The following SGCD variants were observed in gnomAD, a reference collection of about 807,000 sequenced individuals.
SGCD encodes delta-sarcoglycan.
A neutral mutation model predicts 36.6 loss-of-function variants in SGCD; 18 were observed. The observed-to-expected ratio is 0.49, with a 90% confidence interval of 0.34 to 0.73. The LOEUF is 0.73. Ranked by LOEUF, SGCD falls within the 30% of genes least tolerant of loss-of-function variation. SGCD has a pLI of 0.01. For missense variants in SGCD, 387 were observed against 346.7 expected (o/e 1.12, Z -0.92); for synonymous variants, 133 against 130.6 (o/e 1.02, Z -0.12).
intron 3 of SGCD, among the ~76,000 whole-genome samples, chr5:156,359,406 A>T (rs1467343215): frequency 6.6e-6 from 1 of 152,242 alleles, no homozygotes; most frequent in Non-Finnish European, 1.5e-5. Context: ...AGCACTTAAC[A>T]TAGAACATAT....
intron 7 of SGCD, among the ~76,000 whole-genome samples, chr5:156,684,293 CAAGA>C (rs1044332381): frequency 4.0e-5 from 6 of 151,844 alleles, no homozygotes; most frequent in African/African-American, 1.2e-4. Flanking sequence ...GATGCTATGA[CAAGA>C]AAGAAAGTGT....
intron 3 of SGCD, among the ~76,000 whole-genome samples, chr5:156,218,955 A>AT (rs933765271): frequency 3.9e-5 from 6 of 152,186 alleles, no homozygotes; most frequent in African/African-American, 1.4e-4. Context: ...CTATCCAGTC[A>AT]TTTTTTTACT....
chr5:156,524,460 G>C (rs2113062694), intron 4 of SGCD, among the ~76,000 whole-genome samples: 1 of 150,504 alleles, frequency 6.6e-6, no homozygotes, highest in Admixed American at 6.6e-5. Context: ...AGGTATAATT[G>C]ACAGGTAAAA....
intron 7 of SGCD, among the ~76,000 whole-genome samples, chr5:156,650,055 A>G (rs1271831116): frequency 6.6e-6 from 1 of 151,928 alleles, no homozygotes; most frequent in Non-Finnish European, 1.5e-5. Flanking sequence ...CAAAAAGACA[A>G]CTCTCCAAGC....
intron 1 of SGCD, among the ~76,000 whole-genome samples, chr5:156,033,324 G>T (rs1365354122): frequency 6.6e-6 from 1 of 152,082 alleles, no homozygotes; most frequent in African/African-American, 2.4e-5. Flanking sequence ...TGCTTCTAGT[G>T]TACCCGTCAC....
At chr5:156,704,817 T>A (rs282476) in intron 7 of SGCD, among the ~76,000 whole-genome samples, 3,929 of 152,036 alleles carry the variant, frequency 0.026, 160 homozygotes, top group East Asian at 0.16. Flanking sequence ...ATTTTTTAAA[T>A]TCAGCTAATA....
chr5:156,627,233 T>C (rs1175450317), intron 6 of SGCD, among the ~76,000 whole-genome samples: 1 of 152,008 alleles, frequency 6.6e-6, no homozygotes, highest in African/African-American at 2.4e-5. Context: ...GTGGAAGGGG[T>C]TTTTGCATTG....
chr5:156,521,526 A>C (rs1266708890), intron 4 of SGCD, among the ~76,000 whole-genome samples: 1 of 152,172 alleles, frequency 6.6e-6, no homozygotes, highest in African/African-American at 2.4e-5. Context: ...ACACATTATA[A>C]AGTGGGCAAA....
At chr5:156,379,480 G>A (rs545992895) in intron 3 of SGCD, among the ~76,000 whole-genome samples, 2 of 152,318 alleles carry the variant, frequency 1.3e-5, no homozygotes, top group East Asian at 3.9e-4. Context: ...CTGTGTGGCT[G>A]AAGCACTATG....
the SGCD span, among the ~76,000 whole-genome samples, chr5:155,735,802 C>T: frequency 6.6e-6 from 1 of 152,138 alleles, no homozygotes; most frequent in Non-Finnish European, 1.5e-5. Flanking sequence ...CAGGTCCTAG[C>T]CCATAAGGTT....
chr5:155,790,830 G>A, the SGCD span, among the ~76,000 whole-genome samples: 4 of 152,114 alleles, frequency 2.6e-5, no homozygotes. Context: ...AGTACTCTAA[G>A]TAGTATTGTA....
At chr5:156,496,987 C>G (rs941730302) in intron 3 of SGCD, among the ~76,000 whole-genome samples, 1 of 152,120 alleles carries the variant, frequency 6.6e-6, no homozygotes, top group South Asian at 2.1e-4. Context: ...CTGATTTAAT[C>G]CTCAATTTAG....
At chr5:155,826,098 C>T in the SGCD span, among the ~76,000 whole-genome samples, 1 of 152,178 alleles carries the variant, frequency 6.6e-6, no homozygotes, top group East Asian at 1.9e-4. Context: ...AAAGGTGAAT[C>T]CTATTGCTGG....
intron 3 of SGCD, among the ~76,000 whole-genome samples, chr5:156,246,526 C>T (rs1765444231): frequency 6.6e-6 from 1 of 152,014 alleles, no homozygotes; most frequent in African/African-American, 2.4e-5. Flanking sequence ...GTTGTTCTTT[C>T]ACATATGCTG....
chr5:156,645,250 T>A (rs1189151077), intron 6 of SGCD, among the ~76,000 whole-genome samples: 2 of 152,186 alleles, frequency 1.3e-5, no homozygotes, highest in Non-Finnish European at 2.9e-5. Context: ...GGTATGGTTT[T>A]AATAGAAACC....
At chr5:156,524,720 T>A (rs1053719234) in intron 4 of SGCD, among the ~76,000 whole-genome samples, 3 of 152,046 alleles carry the variant, frequency 2.0e-5, no homozygotes, top group East Asian at 3.8e-4. Context: ...AAGTGTGTAC[T>A]CTTTGATGAA....
upstream of SGCD, among the ~76,000 whole-genome samples, chr5:156,326,053 C>CA (rs967215706): frequency 6.6e-6 from 1 of 152,158 alleles, no homozygotes; most frequent in Non-Finnish European, 1.5e-5. Context: ...ATGTTAATAC[C>CA]AAAAACAGAA....
At chr5:155,958,700 T>C (rs1432219061) in intron 1 of SGCD, among the ~76,000 whole-genome samples, 3 of 152,184 alleles carry the variant, frequency 2.0e-5, no homozygotes, top group African/African-American at 7.2e-5. Context: ...TAACTAGAAA[T>C]ATTGTGACAT....
intron 3 of SGCD, 99 bp downstream of exon 3, chr5:156,344,776 G>C: frequency 3.4e-6 from 3 of 878,164 alleles, no homozygotes; most frequent in Non-Finnish European, 5.2e-6. Flanking sequence ...ATTACAGTAG[G>C]ACTCAAAAAA....
Sources: allele counts gnomAD v4.1 joint callset (sites outside exome capture counted in the v4.1 genomes callset), GRCh38; gene constraint gnomAD v4.1.1; transcripts MANE v1.5; gene names NCBI Gene and HGNC (gene_info 2026-07-23, HGNC 2026-07-21).